Variants in PCDH9 observed in about 807,000 individuals in gnomAD.
PCDH9 encodes protocadherin 9.
PCDH9 carries 24 observed loss-of-function variants against 70.6 expected under a neutral mutation model. The ratio of observed to expected loss-of-function variants is 0.34; its 90% confidence interval spans 0.25 to 0.48. The LOEUF is 0.48. Ranked by LOEUF, PCDH9 falls within the 20% of genes least tolerant of loss-of-function variation. The probability of loss-of-function intolerance (pLI) is 0.99; values close to 1 mark genes in which losing one functional copy is unlikely to be tolerated. For synonymous variants in PCDH9, 562 were observed against 558.5 expected, an observed-to-expected ratio of 1.01 and a Z score of -0.09; for missense variants, 1,281 against 1,503.6, an observed-to-expected ratio of 0.85 and a Z score of 2.45.
intron 4 of PCDH9, among the ~76,000 whole-genome samples, chr13:66,628,970 A>AT (rs2077534955): frequency 6.6e-6 from 1 of 152,182 alleles, no homozygotes; most frequent in African/African-American, 2.4e-5. Context: ...GTTGAAATAA[A>AT]TTTTAAAATC....
At chr13:66,600,198 A>G (rs1320137990) in intron 4 of PCDH9, among the ~76,000 whole-genome samples, 3 of 151,908 alleles carry the variant, frequency 2.0e-5, no homozygotes, top group African/African-American at 7.2e-5. Context: ...ACTAACTATT[A>G]AAAATACTGT....
intron 3 of PCDH9, among the ~76,000 whole-genome samples, chr13:66,694,914 T>C (rs571491191): frequency 6.6e-6 from 1 of 151,820 alleles, no homozygotes; most frequent in South Asian, 2.1e-4. Flanking sequence ...ACTTTTTTTT[T>C]TTTTTTTGAG....
intron 4 of PCDH9, among the ~76,000 whole-genome samples, chr13:66,583,786 T>C (rs188628916): frequency 6.6e-6 from 1 of 152,338 alleles, no homozygotes; most frequent in Admixed American, 6.5e-5. Flanking sequence ...AGAAGATTTT[T>C]TGTTTCTTCA....
chr13:67,149,110 G>A (rs181262864), intron 2 of PCDH9, among the ~76,000 whole-genome samples: 26 of 152,224 alleles, frequency 1.7e-4, no homozygotes, highest in South Asian at 6.2e-4. Context: ...CTTATAGACC[G>A]ACTACATGCC....
chr13:66,944,094 CAT>C lies in PCDH9; in HGVS notation c.3037-40491_3037-40490del, dbSNP rs1268872179. ...GAGAATCATTAAGTAATTTATCAAA[CAT>C]ATGTTTTGTGCAAGGCATATGTAGA... On this transcript the variant is annotated intron_variant, in intron 2 of 4. Coordinates refer to ENST00000377865, the MANE Select transcript of PCDH9 (RefSeq NM_203487.3). Among the ~76,000 whole-genome samples the C allele has an allele frequency of 1.1e-4, 16 of 152,030 alleles. No homozygotes were observed. In the East Asian group the frequency reaches 1.4e-3, roughly 13 times the overall value.
chr13:66,596,950 A>G (rs2077111651), intron 4 of PCDH9, among the ~76,000 whole-genome samples: 1 of 151,270 alleles, frequency 6.6e-6, no homozygotes, highest in Non-Finnish European at 1.5e-5. Context: ...TCTGGAAAGT[A>G]CTTTCTATGT....
chr13:66,632,435 C>T (rs967420734), intron 3 of PCDH9, among the ~76,000 whole-genome samples: 1 of 152,174 alleles, frequency 6.6e-6, no homozygotes, highest in Non-Finnish European at 1.5e-5. Flanking sequence ...AGCTATCACT[C>T]TAATCTTTGG....
At chr13:66,544,487 C>T (rs1011076251) in intron 4 of PCDH9, among the ~76,000 whole-genome samples, 4 of 152,066 alleles carry the variant, frequency 2.6e-5, no homozygotes, top group African/African-American at 9.7e-5. Context: ...TTGGTTTTTC[C>T]CAGGAAAGAA....
chr13:66,787,198 A>T (rs1382359427), intron 3 of PCDH9, among the ~76,000 whole-genome samples: 2 of 152,158 alleles, frequency 1.3e-5, no homozygotes, highest in African/African-American at 4.8e-5. Context: ...CTCTTTAGAC[A>T]CTACCTCTGA....
At chr13:67,201,829 G>A (rs1458718825) in intron 2 of PCDH9, 1 of 151,854 alleles carries the variant, frequency 6.6e-6, no homozygotes, top group African/African-American at 2.4e-5. Flanking sequence ...ATTTCACAAA[G>A]TACCAATTTA....
intron 2 of PCDH9, among the ~76,000 whole-genome samples, chr13:67,141,686 G>A (rs1319996875): frequency 4.0e-5 from 6 of 150,966 alleles, no homozygotes; most frequent in African/African-American, 7.3e-5. Context: ...TGATCCACCC[G>A]CCTCGGCCTC....
intron 4 of PCDH9, among the ~76,000 whole-genome samples, chr13:66,323,924 T>A (rs1356247541): frequency 1.3e-5 from 2 of 152,070 alleles, no homozygotes; most frequent in African/African-American, 4.8e-5. Flanking sequence ...TCATCTGGAC[T>A]ATTGAAACTG....
At chr13:66,834,100 C>T (rs995253511) in intron 3 of PCDH9, among the ~76,000 whole-genome samples, 3 of 150,810 alleles carry the variant, frequency 2.0e-5, no homozygotes, top group African/African-American at 7.3e-5. Flanking sequence ...GTCCCTTCAA[C>T]ATTTGTTTGG....
intron 4 of PCDH9, among the ~76,000 whole-genome samples, chr13:66,506,771 T>C (rs1959221870): frequency 6.6e-6 from 1 of 152,244 alleles, no homozygotes; most frequent in South Asian, 2.1e-4. Flanking sequence ...AAATGCAAAT[T>C]AGGTTTAGAC....
At chr13:66,405,063 G>C (rs1485426344) in intron 4 of PCDH9, among the ~76,000 whole-genome samples, 1 of 152,060 alleles carries the variant, frequency 6.6e-6, no homozygotes. Flanking sequence ...TTGCATTTAA[G>C]CAAATTTACT....
intron 4 of PCDH9, among the ~76,000 whole-genome samples, chr13:66,490,582 G>A (rs1959018342): frequency 6.6e-6 from 1 of 152,050 alleles, no homozygotes; most frequent in Non-Finnish European, 1.5e-5. Context: ...TACTGGTTTT[G>A]TTTTTAATTT....
At chr13:67,052,898 A>G (rs2085349404) in intron 2 of PCDH9, among the ~76,000 whole-genome samples, 1 of 152,138 alleles carries the variant, frequency 6.6e-6, no homozygotes, top group African/African-American at 2.4e-5. Context: ...CATTTTAGAA[A>G]GAATGAATTT....
intron 4 of PCDH9, among the ~76,000 whole-genome samples, chr13:66,605,627 A>AT (rs1179352262): frequency 6.6e-6 from 1 of 152,198 alleles, no homozygotes; most frequent in Non-Finnish European, 1.5e-5. Flanking sequence ...AAGTGTCCAC[A>AT]TGACAGACTA....
chr13:66,607,329 A>G (rs17495306), intron 4 of PCDH9, among the ~76,000 whole-genome samples: 3,234 of 152,192 alleles, frequency 0.021, 51 homozygotes, highest in Non-Finnish European at 0.034. Flanking sequence ...AAAAAAGTAT[A>G]AAACTGCCTA....
Sources: gnomAD v4.1 joint callset for allele counts (sites outside exome capture counted in the v4.1 genomes callset) on GRCh38, gnomAD v4.1.1 for gene constraint, MANE v1.5 for transcripts, NCBI Gene and HGNC (gene_info 2026-07-23, HGNC 2026-07-21) for gene names.